CD244: variants seen among roughly 807,000 people sequenced by gnomAD.
The protein encoded by CD244 is natural killer cell receptor 2B4.
A neutral mutation model predicts 45.5 loss-of-function variants in CD244; 20 were observed. That is an observed-to-expected ratio of 0.44 (90% CI 0.31 to 0.64). The LOEUF is 0.64. Among genes scored for constraint, CD244 ranks in the 30% least tolerant of loss-of-function variants. The probability of loss-of-function intolerance (pLI) is 0.08; values close to 1 mark genes in which losing one functional copy is unlikely to be tolerated. For missense variants in CD244, 407 were observed against 426.9 expected (o/e 0.95, Z 0.41); for synonymous variants, 185 against 160.5 (o/e 1.15, Z -1.15).
intron 1 of CD244, among the ~76,000 whole-genome samples, chr1:160,850,158 T>C (rs1669871742): frequency 6.6e-6 from 1 of 152,154 alleles, no homozygotes; most frequent in Non-Finnish European, 1.5e-5. Flanking sequence ...TATACAAAAA[T>C]CATTTTTATT....
Position 160,831,257 on chromosome 1 carries a change from T to C in CD244, c.*90A>G, listed in dbSNP as rs1309064623. 13 of 881,608 alleles carry C rather than the reference T, an allele frequency of 1.5e-5. No individual in the cohort carries two copies. Among genetic ancestry groups the C allele is most frequent in the Non-Finnish European group, 2.2e-5 (12 of 538,810 alleles). 54.6% of individuals were successfully genotyped at this position (881,608 alleles called of 1,614,324 possible). ...TCCATATCCTCTCCAGACTAGGAACTGTTCTATAGAGACTCCTGTGCCGTC... is the reference window on the plus strand; with the variant it reads ...TCCATATCCTCTCCAGACTAGGAACCGTTCTATAGAGACTCCTGTGCCGTC... On this transcript the variant is annotated 3_prime_UTR_variant, in exon 9 of 9. Transcript: ENST00000368034.
intron 1 of CD244, among the ~76,000 whole-genome samples, chr1:160,847,061 C>A (rs897511331): frequency 6.6e-6 from 1 of 150,884 alleles, no homozygotes; most frequent in Admixed American, 6.6e-5. Context: ...AAGGCAATAA[C>A]GGAGAAAATG....
In CD244 at chr1:160,841,732, A is replaced by G. The variant is rs768135701; in HGVS notation, c.231T>C (p.Asn77=). 3.1e-6 allele frequency: 5 copies of G among 1,614,110 alleles called. No homozygotes were observed. The highest frequency in any genetic ancestry group is 1.6e-4 in the Middle Eastern group (1 of 6,084). ...TAAAACTGAATCTATCATTGGAAGT[A>G]TTGGAAGGCAAAGAGCCATTCTCCC... ...LKWENGSLPS[N]TSNDRFSFIV... The change falls in exon 2 of 9, where the codon AAT becomes AAC. Residue 77 remains asparagine (N), a synonymous_variant. Transcript: ENST00000368034.
chr1:160,847,832 AGAGAAAG>A (rs1237370814), intron 1 of CD244, among the ~76,000 whole-genome samples: 1 of 152,244 alleles, frequency 6.6e-6, no homozygotes, highest in Non-Finnish European at 1.5e-5. Context: ...ATGATAATCC[AGAGAAAG>A]GAGAAAGGAG....
In CD244 at chr1:160,831,193, A is replaced by G. The variant is rs1669101642; in HGVS notation, c.*154T>C. 1.6e-6 allele frequency: 1 copy of G among 635,922 alleles called. No homozygotes were observed. The highest frequency in any genetic ancestry group is 2.6e-5 in the East Asian group (1 of 39,024). 39.4% of individuals were successfully genotyped at this position (635,922 alleles called of 1,614,324 possible). A position where few individuals can be genotyped will look rare whatever the true frequency, so the allele number is the denominator to read the frequency against. On this transcript the variant is annotated 3_prime_UTR_variant, in exon 9 of 9. Coordinates refer to ENST00000368034, the MANE Select transcript of CD244 (RefSeq NM_016382.4). ...GCCTTGCTCTTATCATGGTTGTTAG[A>G]CATCATTTTCAAAACAAAATATAGA... is the stretch of plus-strand genomic sequence containing the variant.
chr1:160,841,536 G>A (rs746507662), intron 2 of CD244, 48 bp downstream of exon 2: 1 of 1,611,992 alleles, frequency 6.2e-7, no homozygotes, highest in Non-Finnish European at 8.5e-7. Flanking sequence ...AGAACTTAGA[G>A]GCCTATAGGA....
In CD244 at chr1:160,862,672, C is replaced by T; in HGVS notation, c.6G>A (p.Leu2=). Residue 2 remains leucine, a synonymous_variant, in exon 1 of 9, where the codon CTG becomes CTA. Transcript: ENST00000368034. ...GGAGTATGAGGGTGACCACTTGCCC[C>T]AGCATTTCCACAGGACAGAGGGGCC... M[L]GQVVTLILLL... The T allele has an allele frequency of 6.2e-7, 1 of 1,613,998 alleles. No individual in the cohort carries two copies. Among genetic ancestry groups the T allele is most frequent in the South Asian group, 1.1e-5 (1 of 91,056 alleles).
chr1:160,835,394 A>C (rs1669298640), intron 6 of CD244, among the ~76,000 whole-genome samples: 1 of 152,200 alleles, frequency 6.6e-6, no homozygotes, highest in African/African-American at 2.4e-5. Context: ...TGTGATATGG[A>C]ATGTAGACCA....
At position 160,846,864 on chromosome 1, in the gene CD244, G is replaced by A. The variant is rs1443001782; in HGVS notation, c.62-4963C>T. 3.3e-5 allele frequency among the ~76,000 whole-genome samples: 5 copies of A among 152,258 alleles called. No individual in the cohort carries two copies. The East Asian group carries it at 9.6e-4, about 29-fold the overall frequency. On this transcript the variant is annotated intron_variant, in intron 1 of 8. Coordinates refer to ENST00000368034, the MANE Select transcript of CD244 (RefSeq NM_016382.4). ...ATGTAATTTGTGACAATAAAAGTGG[G>A]GGGATAGAGCTGTATAGGAGTTTTC...
chr1:160,833,233 C>T (rs1033354396), intron 7 of CD244, among the ~76,000 whole-genome samples: 2 of 152,206 alleles, frequency 1.3e-5, no homozygotes, highest in Non-Finnish European at 2.9e-5. Flanking sequence ...ATCTCTCTCA[C>T]GATGGGATCC....
At chr1:160,848,859 T>C (rs1355377599) in intron 1 of CD244, among the ~76,000 whole-genome samples, 1 of 151,912 alleles carries the variant, frequency 6.6e-6, no homozygotes, top group African/African-American at 2.4e-5. Context: ...CTTTGTAATA[T>C]CTCTTATAAT....
chr1:160,842,148 T>C (rs1571099739), intron 1 of CD244, among the ~76,000 whole-genome samples: 2 of 152,188 alleles, frequency 1.3e-5, no homozygotes, highest in African/African-American at 4.8e-5. Flanking sequence ...GACAGGCAGG[T>C]TTCACACTTT....
intron 5 of CD244, among the ~76,000 whole-genome samples, chr1:160,837,276 C>T (rs1019146112): frequency 6.6e-6 from 1 of 152,138 alleles, no homozygotes; most frequent in African/African-American, 2.4e-5. Flanking sequence ...CTGTGGTCTC[C>T]TAATCTCAAG....
chr1:160,862,734 G>C lies in CD244; in HGVS notation c.-57C>G. ...TCCACCCCACCAGACTCTCTGCCGTGCACGGGCTCAGCAGTCCCCAGTCAG... is the reference window on the plus strand; with the variant it reads ...TCCACCCCACCAGACTCTCTGCCGTCCACGGGCTCAGCAGTCCCCAGTCAG... On this transcript the variant is annotated 5_prime_UTR_variant, in exon 1 of 9. Transcript: ENST00000368034. The C allele has an allele frequency of 6.5e-7, 1 of 1,538,062 alleles. No individual in the cohort carries two copies.
At chr1:160,858,191 G>A (rs1360795776) in intron 1 of CD244, among the ~76,000 whole-genome samples, 2 of 151,746 alleles carry the variant, frequency 1.3e-5, no homozygotes, top group African/African-American at 4.8e-5. Context: ...TCTCTTTTCT[G>A]TGTCCAGCTA....
intron 1 of CD244, chr1:160,848,060 G>A (rs1389115394): frequency 2.8e-5 from 10 of 361,908 alleles, no homozygotes; most frequent in African/African-American, 6.4e-5. Flanking sequence ...TGAACCCTTG[G>A]ACCGTGTCTC....
chr1:160,843,016 G>A (rs1246689966), intron 1 of CD244, among the ~76,000 whole-genome samples: 2 of 152,178 alleles, frequency 1.3e-5, no homozygotes, highest in African/African-American at 4.8e-5. Context: ...TTTACAAGTG[G>A]CTCCGTTAAA....
chr1:160,839,732 G>A (rs762977020), intron 3 of CD244, among the ~76,000 whole-genome samples: 4 of 152,196 alleles, frequency 2.6e-5, no homozygotes, highest in Admixed American at 6.5e-5. Context: ...TGGTTGCGAG[G>A]TGGGTCCTGG....
At chr1:160,841,102 G>A (rs1669525214) in intron 3 of CD244, 108 bp downstream of exon 3, 6 of 1,088,540 alleles carry the variant, frequency 5.5e-6, no homozygotes, top group Non-Finnish European at 6.7e-6. Flanking sequence ...AAGGCACTGG[G>A]AGAGGAGGCC....
Sources: gnomAD v4.1 joint callset for allele counts (sites outside exome capture counted in the v4.1 genomes callset) on GRCh38, gnomAD v4.1.1 for gene constraint, MANE v1.5 for transcripts, NCBI Gene and HGNC (gene_info 2026-07-23, HGNC 2026-07-21) for gene names.